Variants in SUN1 observed in about 807,000 individuals in gnomAD.
SUN1 encodes the protein Sad1 and UNC84 domain containing 1.
A neutral mutation model predicts 103.2 loss-of-function variants in SUN1; 61 were observed. The observed-to-expected ratio is 0.59, with a 90% CI of 0.48 to 0.73. The LOEUF is 0.73. SUN1 is among the 30% of genes least tolerant of loss of function. The pLI is 0.00. For synonymous variants in SUN1, 490 were observed against 425.7 expected, an observed-to-expected ratio of 1.15 and a Z score of -1.86; for missense variants, 1,052 against 1,034.6, an observed-to-expected ratio of 1.02 and a Z score of -0.23.
intron 14 of SUN1, 31 bp downstream of exon 14, chr7:860,413 T>A (rs1831277185): frequency 6.2e-7 from 1 of 1,606,760 alleles, no homozygotes. Flanking sequence ...CAAGAGATGC[T>A]TACAGTCCAT....
At chr7:827,053 C>T (rs768545299) in intron 1 of SUN1, among the ~76,000 whole-genome samples, 7 of 152,198 alleles carry the variant, frequency 4.6e-5, no homozygotes, top group Non-Finnish European at 8.8e-5. Flanking sequence ...GATGGAGTCT[C>T]GCTCTGTCAC....
At chr7:841,910 A>G (rs1183359664) in intron 2 of SUN1, 36 bp from the exon 3 acceptor site, 1 of 1,603,854 alleles carries the variant, frequency 6.2e-7, no homozygotes, top group Non-Finnish European at 8.5e-7. Context: ...TTTGCTAGAA[A>G]AGATCTATAA....
Position 857,944 on chromosome 7 carries a change from C to T in SUN1, c.1511C>T (p.Ala504Val). 6.3e-7 allele frequency: 1 copy of T among 1,584,766 alleles called. No homozygotes were observed. The highest frequency in any genetic ancestry group is 1.3e-5 in the African/African-American group (1 of 74,360). ...AAGACCGGCTGTGAGACAGTGGATG[C>T]CGTACAAGAAAGAGTGAGCTTTCTG... ...HVKTGCETVD[A>V]VQERVDVQVR... Residue 504 changes from alanine to valine, a missense_variant, in exon 13 of 19, where the codon GCC becomes GTC. By Grantham distance (64) the Ala-to-Val change is moderately conservative. This residue lies in a region of SUN1 where 846 missense variants were observed against 774.5 expected (regional missense o/e 1.09). Transcript: ENST00000401592.
chr7:873,068 C>G (rs913302327), intron 18 of SUN1, 147 bp from the exon 19 acceptor site: 1 of 761,934 alleles, frequency 1.3e-6, no homozygotes, highest in Non-Finnish European at 2.2e-6. Context: ...GCCTGGGTGA[C>G]AGGGCAAGAC....
At chr7:817,513 T>G (rs1219068912) in intron 1 of SUN1, 24 of 1,535,722 alleles carry the variant, frequency 1.6e-5, no homozygotes, top group Non-Finnish European at 2.1e-5. Context: ...GGCGGTGCGG[T>G]CCGAGGTCTC....
intron 16 of SUN1, among the ~76,000 whole-genome samples, chr7:868,032 C>G (rs999179791): frequency 6.6e-6 from 1 of 152,246 alleles, no homozygotes; most frequent in Non-Finnish European, 1.5e-5. Flanking sequence ...CAAGGCTCAG[C>G]TCCGTCTTCA....
At chr7:816,285 C>T (rs1409236018), upstream of SUN1, 1 of 201,320 alleles carries the variant, frequency 5.0e-6, no homozygotes, top group Non-Finnish European at 9.3e-6. Context: ...TGCAAACCCC[C>T]CCCAGCAGGT....
intron 2 of SUN1, among the ~76,000 whole-genome samples, chr7:841,242 C>CTT (rs1584522046): frequency 1.9e-5 from 2 of 102,984 alleles, no homozygotes; most frequent in East Asian, 6.7e-4. Context: ...CTATGACCAC[C>CTT]TATTTTTTTT....
intron 16 of SUN1, chr7:869,138 A>G (rs1310467448): frequency 3.5e-6 from 2 of 574,842 alleles, no homozygotes; most frequent in African/African-American, 3.8e-5. Context: ...TGGTCGTTTT[A>G]ACTTTTATAC....
intron 1 of SUN1, among the ~76,000 whole-genome samples, chr7:835,095 A>T (rs10950674): frequency 0.16 from 23,693 of 152,114 alleles, 1,960 homozygotes; most frequent in South Asian, 0.24. Context: ...ACAAAATAAA[A>T]TTTTTTTTCT....
Position 860,245 on chromosome 7 carries a change from C to G in SUN1, c.1642C>G (p.Gln548Glu). 6.2e-7 allele frequency: 1 copy of G among 1,614,236 alleles called. No homozygotes were observed. The highest frequency in any genetic ancestry group is 1.3e-5 in the African/African-American group (1 of 75,060). ...ACAGTTTGTGAGCAAAGGCGACTTG[C>G]AGACGATGCTGCGAGACCTGCAGCT... ...SSQFVSKGDL[Q>E]TMLRDLQLQI... The change falls in exon 14 of 19, where the codon CAG becomes GAG. Residue 548 changes from glutamine (Q) to glutamate (E), a missense_variant. Coordinates refer to ENST00000401592, the MANE Select transcript of SUN1 (RefSeq NM_001130965.3).
intron 7 of SUN1, 102 bp from the exon 8 acceptor site, chr7:852,507 G>A (rs1823170476): frequency 2.3e-6 from 3 of 1,321,386 alleles, no homozygotes; most frequent in East Asian, 2.3e-5. Flanking sequence ...TTCTAATACT[G>A]GGGGGGTGGA....
At chr7:867,304 T>A (rs1309611495) in intron 16 of SUN1, among the ~76,000 whole-genome samples, 1 of 152,266 alleles carries the variant, frequency 6.6e-6, no homozygotes, top group African/African-American at 2.4e-5. Context: ...GCGCTTGGCA[T>A]GCGGCTGCTT....
rs764535327 is a variant in SUN1, at chr7:866,001, G to A, written c.1914G>A (p.Thr638=). The A allele has an allele frequency of 1.5e-5, 24 of 1,613,964 alleles. No individual in the cohort carries two copies. The highest frequency in any genetic ancestry group is 5.3e-5 in the African/African-American group (4 of 74,886). Residue 638 remains threonine, a synonymous_variant, in exon 16 of 19, where the codon ACG becomes ACA. Coordinates refer to ENST00000401592, the MANE Select transcript of SUN1 (RefSeq NM_001130965.3). The part of the protein sequence containing the change: ...TRCSETYETK[T]ALMSLFGIPL... ...GTTCTGAAACTTACGAAACCAAAAC[G>A]GCGCTGATGAGTCTGTTTGGGATCC...
chr7:872,952 T>G (rs1842744688), intron 18 of SUN1, among the ~76,000 whole-genome samples: 2 of 152,154 alleles, frequency 1.3e-5, no homozygotes, highest in Non-Finnish European at 2.9e-5. Context: ...CTGGGCGTGG[T>G]GGCGCACGCC....
chr7:824,864 G>A lies in SUN1; in HGVS notation c.-74+8191G>A, dbSNP rs536984153. ...CAGTCCAGAGCAGGGCGGGTGCGGG[G>A]TGGGGGCGTCCGCTGGCTGGGTGCT... On this transcript the variant is annotated intron_variant, in intron 1 of 17. Transcript: ENST00000389574. Among the ~76,000 whole-genome samples, 16 of 152,184 alleles carry A rather than the reference G, an allele frequency of 1.1e-4. No individual in the cohort carries two copies. The East Asian group carries it at 3.1e-3, about 29-fold the overall frequency.
chr7:873,082 G>A, intron 18 of SUN1, 133 bp from the exon 19 acceptor site: 2 of 843,710 alleles, frequency 2.4e-6, no homozygotes, highest in Non-Finnish European at 3.9e-6. Flanking sequence ...GCAAGACTCT[G>A]TCTCAACAAC....
intron 1 of SUN1, among the ~76,000 whole-genome samples, chr7:824,196 C>T (rs151001411): frequency 7.9e-5 from 12 of 152,292 alleles, no homozygotes; most frequent in South Asian, 2.1e-4. Flanking sequence ...GACAGATCTC[C>T]GCACAGGATG....
intron 14 of SUN1, 96 bp from the exon 15 acceptor site, chr7:861,284 C>G: frequency 1.6e-6 from 2 of 1,220,896 alleles, no homozygotes; most frequent in Non-Finnish European, 1.2e-6. Flanking sequence ...AGAAGATGCT[C>G]TAATGTAAGT....
Sources: gnomAD v4.1 joint callset for allele counts (sites outside exome capture counted in the v4.1 genomes callset) on GRCh38, gnomAD v4.1.1 for gene constraint, gnomAD v4.1.1 regional missense constraint, MANE v1.5 for transcripts, NCBI Gene and HGNC (gene_info 2026-07-23, HGNC 2026-07-21) for gene names.